The following PTGFR variants were observed in gnomAD, a reference collection of about 807,000 sequenced individuals.
PTGFR encodes the protein prostaglandin F receptor, also known as prostaglandin F2-alpha receptor.
A neutral mutation model predicts 26.2 loss-of-function variants in PTGFR; 15 were observed. The ratio of observed to expected loss-of-function variants is 0.57; its 90% CI spans 0.38 to 0.88. The LOEUF (loss-of-function observed/expected upper bound fraction) is 0.88, where lower values mean the gene tolerates loss of function less well. Ranked by LOEUF, PTGFR falls within the 40% of genes least tolerant of loss-of-function variation. The pLI, the probability that PTGFR is intolerant of heterozygous loss-of-function variation, is 0.00. For synonymous variants in PTGFR, 165 were observed against 151.1 expected (o/e 1.09, Z -0.68); for missense variants, 369 against 427.2 (o/e 0.86, Z 1.20).
chr1:78,536,958 T>G lies in PTGFR; in HGVS notation c.*271T>G. 2 of 406,718 alleles carry G rather than the reference T, an allele frequency of 4.9e-6. No homozygotes were observed. The highest frequency in any genetic ancestry group is 7.1e-5 in the South Asian group (2 of 28,186). 25.2% of individuals were successfully genotyped at this position (406,718 alleles called of 1,614,324 possible). ...GCAATTTTGAGCTTATCTGTCTTAT[T>G]TATGCTTTGAGTGAATCATCTGTTG... On this transcript the variant is annotated 3_prime_UTR_variant, in exon 3 of 3. Transcript: ENST00000370757.
At chr1:78,508,135 C>G in intron 2 of PTGFR, among the ~76,000 whole-genome samples, 1 of 151,984 alleles carries the variant, frequency 6.6e-6, no homozygotes, top group African/African-American at 2.4e-5. Context: ...GTTCTATTTT[C>G]TTTTTTTCTG....
At chr1:78,498,342 A>G (rs901278531) in intron 2 of PTGFR, among the ~76,000 whole-genome samples, 3 of 152,170 alleles carry the variant, frequency 2.0e-5, no homozygotes, top group Non-Finnish European at 4.4e-5. Flanking sequence ...ATGTTTATAT[A>G]TTTTAAGTGA....
chr1:78,524,420 C>A (rs1210175793), intron 2 of PTGFR, among the ~76,000 whole-genome samples: 4 of 151,992 alleles, frequency 2.6e-5, no homozygotes, highest in South Asian at 4.1e-4. Flanking sequence ...ATAATAGATG[C>A]CTTATAAATG....
chr1:78,508,255 T>C (rs760987045), intron 2 of PTGFR, among the ~76,000 whole-genome samples: 1 of 152,254 alleles, frequency 6.6e-6, no homozygotes, highest in African/African-American at 2.4e-5. Context: ...ATCATATGTC[T>C]ATTTTTATTC....
intron 2 of PTGFR, among the ~76,000 whole-genome samples, chr1:78,505,434 T>C (rs1320968088): frequency 6.6e-6 from 1 of 152,186 alleles, no homozygotes; most frequent in East Asian, 1.9e-4. Context: ...ATTCTAACTT[T>C]TAAAAATTTT....
chr1:78,498,826 A>G (rs1244566620), intron 2 of PTGFR, among the ~76,000 whole-genome samples: 1 of 152,128 alleles, frequency 6.6e-6, no homozygotes, highest in Non-Finnish European at 1.5e-5. Flanking sequence ...TATTTTCATA[A>G]ATCATTTTAG....
chr1:78,493,353 C>T lies in PTGFR; in HGVS notation c.610C>T (p.Leu204Phe). 1 of 1,613,994 alleles carries T rather than the reference C, an allele frequency of 6.2e-7. No homozygotes were observed. The highest frequency in any genetic ancestry group is 2.2e-5 in the East Asian group (1 of 44,882). The change falls in exon 2 of 3, where the codon CTT becomes TTT. Residue 204 changes from leucine to phenylalanine, a missense_variant. By Grantham distance (22) the Leu-to-Phe change is conservative (BLOSUM62 0). Coordinates refer to ENST00000370757, the MANE Select transcript of PTGFR (RefSeq NM_000959.4). ...CTGGGAAGATAGATTTTATCTTCTA[C>T]TTTTTTCTTTTCTGGGGCTCTTAGC... ...KDWEDRFYLL[L>F]FSFLGLLALG... is the part of the protein sequence containing the mutation.
At chr1:78,499,465 G>A (rs898778832) in intron 2 of PTGFR, among the ~76,000 whole-genome samples, 6 of 152,168 alleles carry the variant, frequency 3.9e-5, no homozygotes, top group African/African-American at 1.2e-4. Context: ...ATATAGTTGG[G>A]GTCAGTAAGA....
chr1:78,511,812 C>T (rs1649977419), intron 2 of PTGFR, among the ~76,000 whole-genome samples: 1 of 152,146 alleles, frequency 6.6e-6, no homozygotes, highest in Non-Finnish European at 1.5e-5. Context: ...ATATAAGTTC[C>T]AACTTCAAGT....
chr1:78,521,298 G>T (rs1650236138), intron 2 of PTGFR, among the ~76,000 whole-genome samples: 1 of 152,128 alleles, frequency 6.6e-6, no homozygotes, highest in Non-Finnish European at 1.5e-5. Flanking sequence ...TTCAAAAAGA[G>T]AAATATAATA....
intron 2 of PTGFR, 38 bp from the exon 3 acceptor site, chr1:78,536,368 G>A (rs772486681): frequency 1.9e-6 from 3 of 1,566,698 alleles, no homozygotes; most frequent in East Asian, 4.5e-5. Flanking sequence ...GATTGAAAAG[G>A]CTGCATCAAC....
intron 2 of PTGFR, among the ~76,000 whole-genome samples, chr1:78,516,190 G>A (rs1650087322): frequency 6.6e-6 from 1 of 152,086 alleles, no homozygotes; most frequent in African/African-American, 2.4e-5. Flanking sequence ...TTAACTCACT[G>A]AATCCTCATG....
chr1:78,501,113 CAT>C (rs969636554), intron 2 of PTGFR, among the ~76,000 whole-genome samples: 5 of 151,514 alleles, frequency 3.3e-5, no homozygotes, highest in East Asian at 1.9e-4. Flanking sequence ...GAATCAGAAA[CAT>C]GTGTATTAAA....
In PTGFR at chr1:78,539,410, T is replaced by A. The variant is rs1439440320; in HGVS notation, c.*2723T>A. On this transcript the variant is annotated 3_prime_UTR_variant, in exon 3 of 3. Coordinates refer to ENST00000370757, the MANE Select transcript of PTGFR (RefSeq NM_000959.4). ...TATTGCTAGCTTCACCTGTATACCATCATTGTTCCAAATTAAATAACTGTT... is the reference window on the plus strand; with the variant it reads ...TATTGCTAGCTTCACCTGTATACCAACATTGTTCCAAATTAAATAACTGTT... 6.6e-6 allele frequency: 1 copy of A among 152,482 alleles called. No homozygotes were observed. The highest frequency in any genetic ancestry group is 1.5e-5 in the Non-Finnish European group (1 of 67,980). 9.4% of individuals were successfully genotyped at this position (152,482 alleles called of 1,614,324 possible). A position where few individuals can be genotyped will look rare whatever the true frequency, so the allele number is the denominator to read the frequency against.
intron 2 of PTGFR, among the ~76,000 whole-genome samples, chr1:78,496,392 C>T (rs1445086760): frequency 1.3e-5 from 2 of 152,114 alleles, no homozygotes; most frequent in African/African-American, 2.4e-5. Context: ...CTTTTAGATT[C>T]CCATAGTTGT....
At chr1:78,522,684 A>G (rs1008840737) in intron 2 of PTGFR, among the ~76,000 whole-genome samples, 3 of 152,050 alleles carry the variant, frequency 2.0e-5, no homozygotes, top group Non-Finnish European at 4.4e-5. Context: ...GAAAAGAGGG[A>G]TGAGGAAAGG....
At chr1:78,509,898 A>T (rs1469666995) in intron 2 of PTGFR, among the ~76,000 whole-genome samples, 4 of 152,196 alleles carry the variant, frequency 2.6e-5, no homozygotes, top group Admixed American at 2.0e-4. Context: ...CTCTCATCTT[A>T]AACACCTCCC....
intron 2 of PTGFR, among the ~76,000 whole-genome samples, chr1:78,524,078 T>C (rs1650310109): frequency 2.0e-5 from 3 of 152,066 alleles, no homozygotes. Flanking sequence ...AATGGTGCCT[T>C]TTGGGCAGCT....
chr1:78,534,938 T>C (rs1650609804), intron 2 of PTGFR, among the ~76,000 whole-genome samples: 1 of 152,196 alleles, frequency 6.6e-6, no homozygotes, highest in African/African-American at 2.4e-5. Flanking sequence ...TCCCCACATT[T>C]ATTGGTGGCT....
Sources: allele counts gnomAD v4.1 joint callset (sites outside exome capture counted in the v4.1 genomes callset), GRCh38; gene constraint gnomAD v4.1.1; transcripts MANE v1.5; gene names NCBI Gene and HGNC (gene_info 2026-07-23, HGNC 2026-07-21).